The following OC90 variants were observed in gnomAD, a reference collection of about 807,000 sequenced individuals.
OC90 encodes otoconin 90, also known as otoconin-90.
Under a neutral mutation model 47.3 loss-of-function variants are expected in OC90, and 46 were observed. The observed-to-expected ratio is 0.97, with a 90% CI of 0.77 to 1.24. The LOEUF is 1.24. Among genes scored for constraint, OC90 ranks in the 50% most tolerant of loss-of-function variants. The pLI is 0.00. For synonymous variants in OC90, 271 were observed against 219.5 expected, an observed-to-expected ratio of 1.23 and a Z score of -2.07; for missense variants, 688 against 583.9, an observed-to-expected ratio of 1.18 and a Z score of -1.84.
Position 132,024,369 on chromosome 8 carries a change from G to T in OC90, c.*112C>A. The T allele has an allele frequency of 1.1e-6, 1 of 876,246 alleles. No individual in the cohort carries two copies. The highest frequency in any genetic ancestry group is 1.7e-6 in the Non-Finnish European group (1 of 589,286). The allele number at this position is 876,246 out of a possible 1,614,324, so 54.3% of individuals were successfully genotyped here. ...CGGCCTCTGTTCCCTCCCCGCCTCT[G>T]AGTTAAAGGAAGGGAAGAAGGCTCC... On this transcript the variant is annotated 3_prime_UTR_variant, in exon 14 of 14. Coordinates refer to ENST00000254627, the MANE Select transcript of OC90 (RefSeq NM_001080399.3).
In OC90 at chr8:132,045,941, G is replaced by A; in HGVS notation, c.47-58C>T. 8 of 976,818 alleles carry A rather than the reference G, an allele frequency of 8.2e-6. No individual in the cohort carries two copies. In the South Asian group the frequency reaches 1.1e-4, roughly 14 times the overall value. The allele number at this position is 976,818 out of a possible 1,614,324, so 60.5% of individuals were successfully genotyped here. On this transcript the variant is annotated intron_variant, in intron 2 of 13. Coordinates refer to ENST00000254627, the MANE Select transcript of OC90 (RefSeq NM_001080399.3). The stretch of plus-strand genomic sequence containing the variant: ...CAAACACTGATACAATTCACTTGCT[G>A]GACTAAGGCCAGAAGGCGACAGCCA...
At chr8:132,040,958 C>CATTAA in intron 6 of OC90, 86 bp downstream of exon 6, 2 of 819,746 alleles carry the variant, frequency 2.4e-6, no homozygotes, top group Admixed American at 1.8e-5. Context: ...GTGAGAGGAT[C>CATTAA]ACAATGCCCT....
chr8:132,048,018 G>A lies in OC90; in HGVS notation c.47-2135C>T, dbSNP rs189948232. Among the ~76,000 whole-genome samples the A allele has an allele frequency of 4.6e-5, 7 of 152,250 alleles. No homozygotes were observed. In the East Asian group the frequency reaches 7.7e-4, roughly 17 times the overall value. ...AATAGCTAGGTCCATTTGCCCTTCC[G>A]CACTTCTTTCATTTGAGGACATAGC... is the stretch of plus-strand genomic sequence containing the variant. On this transcript the variant is annotated intron_variant, in intron 2 of 13. Transcript: ENST00000254627.
intron 2 of OC90, among the ~76,000 whole-genome samples, chr8:132,050,459 C>T (rs76790180): frequency 2.0e-5 from 3 of 152,038 alleles, no homozygotes; most frequent in Non-Finnish European, 4.4e-5. Context: ...AAGTAAGATC[C>T]CAGGGATGTT....
intron 11 of OC90, 69 bp from the exon 12 acceptor site, chr8:132,032,121 T>A: frequency 6.9e-7 from 1 of 1,449,180 alleles, no homozygotes; most frequent in East Asian, 2.3e-5. Context: ...GAAGGCCATG[T>A]GAGCCTCCGG....
At chr8:132,028,609 GGGAAGGA>G (rs1676920144) in intron 13 of OC90, among the ~76,000 whole-genome samples, 1 of 27,440 alleles carries the variant, frequency 3.6e-5, no homozygotes, top group African/African-American at 1.3e-4. Context: ...GAGGGAAGGA[GGGAAGGA>G]GGAAGGAAGG....
chr8:132,045,333 T>C (rs1192814362), intron 3 of OC90, among the ~76,000 whole-genome samples: 1 of 152,212 alleles, frequency 6.6e-6, no homozygotes, highest in African/African-American at 2.4e-5. Context: ...TGCATTATGG[T>C]CTTCAGCCAT....
At chr8:132,027,329 TGA>T (rs1310739593) in intron 13 of OC90, among the ~76,000 whole-genome samples, 2 of 152,124 alleles carry the variant, frequency 1.3e-5, no homozygotes, top group Non-Finnish European at 2.9e-5. Flanking sequence ...AACGGATGAA[TGA>T]GTGAATGAAT....
At chr8:132,038,342 A>G (rs1586710112) in intron 8 of OC90, among the ~76,000 whole-genome samples, 1 of 152,234 alleles carries the variant, frequency 6.6e-6, no homozygotes, top group Non-Finnish European at 1.5e-5. Flanking sequence ...GGCGCTGGAG[A>G]GTGCGTGGAG....
chr8:132,024,834 C>G, intron 13 of OC90, 58 bp from the exon 14 acceptor site: 1 of 1,475,116 alleles, frequency 6.8e-7, no homozygotes, highest in Non-Finnish European at 9.2e-7. Flanking sequence ...CACTGGGAGG[C>G]CCCACGGCCC....
In OC90 at chr8:132,041,629, G is replaced by A. The variant is rs1056173158; in HGVS notation, c.240C>T (p.Val80=). 7 of 1,599,342 alleles carry A rather than the reference G, an allele frequency of 4.4e-6. No individual in the cohort carries two copies. The highest frequency in any genetic ancestry group is 1.4e-5 in the African/African-American group (1 of 73,784). ...GACCAGCCACACACTTCATACCATTGACAAACTGGATCAGCACAGGGAAAT... is the reference window on the plus strand; with the variant it reads ...GACCAGCCACACACTTCATACCATTAACAAACTGGATCAGCACAGGGAAAT... ...FTNFPVLIQF[V]NGMKCVAGLC... Residue 80 remains valine, a synonymous_variant, in exon 5 of 14, where the codon GTC becomes GTT. Coordinates refer to ENST00000254627, the MANE Select transcript of OC90 (RefSeq NM_001080399.3).
chr8:132,053,725 T>C (rs900777349), intron 2 of OC90, among the ~76,000 whole-genome samples: 1 of 152,138 alleles, frequency 6.6e-6, no homozygotes, highest in Non-Finnish European at 1.5e-5. Flanking sequence ...GGCTGCAGCA[T>C]GAGCTTCAGT....
Position 132,041,715 on chromosome 8 carries a change from G to T in OC90, c.170-16C>A, listed in dbSNP as rs756609213. 3.5e-6 allele frequency: 5 copies of T among 1,432,086 alleles called. No individual in the cohort carries two copies. Among genetic ancestry groups the T allele is most frequent in the Admixed American group, 1.7e-5 (1 of 58,084 alleles). The allele number at this position is 1,432,086 out of a possible 1,614,324, so 88.7% of individuals were successfully genotyped here. A position where few individuals can be genotyped will look rare whatever the true frequency, so the allele number is the denominator to read the frequency against. On this transcript the variant is annotated splice_polypyrimidine_tract_variant and intron_variant, in intron 4 of 13. Coordinates refer to ENST00000254627, the MANE Select transcript of OC90 (RefSeq NM_001080399.3). ...CCCAGGCAATCTGTGGGGGTGGGGG[G>T]CAGGGCCTGATAAGCACTGGGAACT...
intron 2 of OC90, among the ~76,000 whole-genome samples, chr8:132,047,214 T>G (rs965938202): frequency 6.6e-6 from 1 of 152,202 alleles, no homozygotes; most frequent in Admixed American, 6.5e-5. Context: ...TTGCTACCAG[T>G]ACCAGGACTG....
Position 132,041,048 on chromosome 8 carries a change from T to G in OC90, c.453A>C (p.Ile151=). 1 of 1,575,594 alleles carries G rather than the reference T, an allele frequency of 6.3e-7. No individual in the cohort carries two copies. Among genetic ancestry groups the G allele is most frequent in the Non-Finnish European group, 8.7e-7 (1 of 1,144,902 alleles). ...TEVNCVSKKI[I]CESKDNCEHL... is the part of the protein sequence containing the mutation. Reference sequence around the variant, plus strand: ...GGGACACCTGGAGATGCTTACCACATATGATCTTCTTGCTGACACAATTGA... The same window carrying G: ...GGGACACCTGGAGATGCTTACCACAGATGATCTTCTTGCTGACACAATTGA... The change falls in exon 6 of 14, where the codon ATA becomes ATC. Residue 151 remains isoleucine, a synonymous_variant. Transcript: ENST00000254627.
chr8:132,041,960 T>A (rs571798526), intron 4 of OC90, among the ~76,000 whole-genome samples: 1 of 152,300 alleles, frequency 6.6e-6, no homozygotes, highest in South Asian at 2.1e-4. Context: ...CTTAGGGTAT[T>A]TCATAATCAC....
intron 10 of OC90, among the ~76,000 whole-genome samples, chr8:132,034,265 T>C (rs1822920782): frequency 6.6e-6 from 1 of 152,234 alleles, no homozygotes; most frequent in African/African-American, 2.4e-5. Context: ...CTCTAAATCT[T>C]AATTTCTCCA....
intron 2 of OC90, among the ~76,000 whole-genome samples, chr8:132,052,518 A>T (rs1430400347): frequency 6.6e-6 from 1 of 152,234 alleles, no homozygotes; most frequent in South Asian, 2.1e-4. Context: ...GATGTTAATA[A>T]GGTGTGCTTT....
rs746236844 is a variant in OC90 at position 132,024,501 on chromosome 8, C to G, written c.1414G>C (p.Gly472Arg). The G allele has an allele frequency of 6.4e-7, 1 of 1,564,520 alleles. No individual in the cohort carries two copies. Among genetic ancestry groups the G allele is most frequent in the Non-Finnish European group, 8.7e-7 (1 of 1,153,548 alleles). Residue 472 changes from glycine (G) to arginine (R), a missense_variant, in exon 14 of 14, where the codon GGG becomes CGG. Transcript: ENST00000254627. The part of the protein sequence containing the change: ...LRKSLGPLGI[G>R]PLHGR The stretch of plus-strand genomic sequence containing the variant: ...GGCATCTATCTTCCATGAAGAGGCC[C>G]GATCCCCAAGGGACCCAGTGACTTC...
Sources: allele counts gnomAD v4.1 joint callset (sites outside exome capture counted in the v4.1 genomes callset), GRCh38; gene constraint gnomAD v4.1.1; transcripts MANE v1.5; gene names NCBI Gene and HGNC (gene_info 2026-07-23, HGNC 2026-07-21).